Variants in LNX1 observed in about 807,000 individuals in gnomAD.
LNX1 encodes the protein E3 ubiquitin-protein ligase LNX.
Under a neutral mutation model 68.4 loss-of-function variants are expected in LNX1, and 54 were observed. That is an observed-to-expected ratio of 0.79 (90% CI 0.63 to 0.99). The LOEUF is 0.99. Ranked by LOEUF, LNX1 falls within the 50% of genes least tolerant of loss-of-function variation. LNX1 has a pLI of 0.00. For missense variants in LNX1, 906 were observed against 926.4 expected (o/e 0.98, Z 0.29); for synonymous variants, 336 against 350.0 (o/e 0.96, Z 0.45).
At chr4:53,621,897 A>G (rs192425032), upstream of LNX1, among the ~76,000 whole-genome samples, 52 of 152,236 alleles carry the variant, frequency 3.4e-4, no homozygotes, top group Admixed American at 6.5e-4. Context: ...TGCCTCATTA[A>G]TAAGTGAAGA....
At chr4:53,604,969 C>T (rs1289996474) in intron 2 of LNX1, among the ~76,000 whole-genome samples, 1 of 152,062 alleles carries the variant, frequency 6.6e-6, no homozygotes, top group African/African-American at 2.4e-5. Flanking sequence ...GCAAAGTCAC[C>T]AGGGAATTTC....
intron 2 of LNX1, among the ~76,000 whole-genome samples, chr4:53,611,076 T>C (rs952119975): frequency 3.3e-5 from 5 of 151,992 alleles, no homozygotes; most frequent in Admixed American, 3.3e-4. Context: ...TTTTTGCAAA[T>C]GATATGATTG....
rs780316057 is a variant in LNX1 at position 53,496,038 on chromosome 4, C to T, written c.1335G>A (p.Ala445=). 61 of 1,612,814 alleles carry T rather than the reference C, an allele frequency of 3.8e-5. No individual in the cohort carries two copies. Among genetic ancestry groups the T allele is most frequent in the South Asian group, 8.8e-5 (8 of 90,992 alleles). The change falls in exon 6 of 11, where the codon GCG becomes GCA. Residue 445 remains alanine, a synonymous_variant. Coordinates refer to ENST00000263925, the MANE Select transcript of LNX1 (RefSeq NM_001126328.3). Reference sequence around the variant, plus strand: ...TCTGACTCACCTGAATCAGATGAGCCGCACTTTCTGGGCTGCCATATCGAA... The same window carrying T: ...TCTGACTCACCTGAATCAGATGAGCTGCACTTTCTGGGCTGCCATATCGAA... ...HDLRYGSPES[A]AHLIQASERR...
At chr4:53,492,541 G>GAGAGAGAGAGAC (rs1287595399) in intron 6 of LNX1, among the ~76,000 whole-genome samples, 1 of 151,524 alleles carries the variant, frequency 6.6e-6, no homozygotes, top group East Asian at 1.9e-4. Context: ...GAGAGAGAGA[G>GAGAGAGAGAGAC]AGTGGCATCC....
intron 5 of LNX1, among the ~76,000 whole-genome samples, chr4:53,497,948 G>A (rs1725189951): frequency 6.6e-6 from 1 of 152,164 alleles, no homozygotes; most frequent in African/African-American, 2.4e-5. Context: ...ATACGAGCAG[G>A]GAGGGGTTTC....
At chr4:53,464,876 A>T (rs1380819257) in intron 9 of LNX1, among the ~76,000 whole-genome samples, 1 of 152,156 alleles carries the variant, frequency 6.6e-6, no homozygotes, top group Admixed American at 6.5e-5. Flanking sequence ...TATAGAGTCA[A>T]ATTTAAATTA....
At chr4:53,620,052 G>A (rs568082040), upstream of LNX1, among the ~76,000 whole-genome samples, 16 of 152,302 alleles carry the variant, frequency 1.1e-4, no homozygotes, top group South Asian at 2.1e-4. Context: ...TGTTTGTAAC[G>A]AAACACATTG....
Position 53,459,651 on chromosome 4 carries a change from A to AAGAC in LNX1, c.*1252_*1255dup. On this transcript the variant is annotated 3_prime_UTR_variant, in exon 11 of 11. Transcript: ENST00000263925. ...TGTCTTGTACTATTTCAAAAATAAA[A>AAGAC]AGACAGCAATGACTTTATATCCAAG... The AAGAC allele has an allele frequency of 1.5e-6, 1 of 679,242 alleles. No homozygotes were observed. The allele number at this position is 679,242 out of a possible 1,614,324, so 42.1% of individuals were successfully genotyped here.
chr4:53,635,571 T>G (rs1734440303), intron 1 of LNX1, among the ~76,000 whole-genome samples: 1 of 152,160 alleles, frequency 6.6e-6, no homozygotes, highest in African/African-American at 2.4e-5. Flanking sequence ...ACTAATCTGT[T>G]ATTAGCTCTG....
At position 53,550,105 on chromosome 4, in the gene LNX1, A is replaced by G. The variant is rs538820509; in HGVS notation, c.380+23518T>C. Among the ~76,000 whole-genome samples the G allele has an allele frequency of 6.6e-5, 10 of 152,358 alleles. No homozygotes were observed. The South Asian group carries it at 1.7e-3, about 25-fold the overall frequency. ...AATAAAATCATGAAACAGGATCACA[A>G]TGCTCTTTGGACATCAAAGAATCAT... is the stretch of plus-strand genomic sequence containing the variant. On this transcript the variant is annotated intron_variant, in intron 2 of 10. Transcript: ENST00000263925.
At position 53,573,880 on chromosome 4, in the gene LNX1, G is replaced by A. The variant is rs1185013821; in HGVS notation, c.123C>T (p.Cys41=). ...YPEEVDDDLI[C]HICLQALLDP... ...CCAGCAAAGCCTGCAGGCAGATGTG[G>A]CAGATGAGGTCATCATCCACTTCCT... is the stretch of plus-strand genomic sequence containing the variant. The change falls in exon 2 of 11, where the codon TGC becomes TGT. Residue 41 remains cysteine, a synonymous_variant. Coordinates refer to ENST00000263925, the MANE Select transcript of LNX1 (RefSeq NM_001126328.3). 1 of 1,613,816 alleles carries A rather than the reference G, an allele frequency of 6.2e-7. No individual in the cohort carries two copies.
chr4:53,569,756 C>A (rs1408903522), intron 2 of LNX1, among the ~76,000 whole-genome samples: 7 of 140,342 alleles, frequency 5.0e-5, no homozygotes, highest in African/African-American at 1.3e-4. Flanking sequence ...ATTTTTGCAA[C>A]CTACTCATCT....
intron 1 of LNX1, chr4:53,576,528 A>AT (rs1731498252): frequency 9.6e-7 from 1 of 1,044,568 alleles, no homozygotes; most frequent in East Asian, 3.1e-5. Context: ...TAGATCTTGT[A>AT]TTTTAGGTTG....
intron 1 of LNX1, among the ~76,000 whole-genome samples, chr4:53,589,156 T>G (rs1271519153): frequency 6.6e-6 from 1 of 152,152 alleles, no homozygotes; most frequent in African/African-American, 2.4e-5. Flanking sequence ...CAATGACAAC[T>G]GGACATTTCC....
rs532088803 is a variant in LNX1, at chr4:53,557,402, T to C, written c.380+16221A>G. ...GCATCAAAAATAAAAATAACATGGA[T>C]ATATACATTTTATACATAGGGTTCT... On this transcript the variant is annotated intron_variant, in intron 2 of 10. Coordinates refer to ENST00000263925, the MANE Select transcript of LNX1 (RefSeq NM_001126328.3). 1.4e-4 allele frequency among the ~76,000 whole-genome samples: 22 copies of C among 152,282 alleles called. No homozygotes were observed. In the South Asian group the frequency reaches 4.1e-3, roughly 29 times the overall value.
At chr4:53,549,913 C>A (rs1341227957) in intron 2 of LNX1, among the ~76,000 whole-genome samples, 1 of 152,166 alleles carries the variant, frequency 6.6e-6, no homozygotes, top group Non-Finnish European at 1.5e-5. Context: ...ACTAGAAAGA[C>A]AAGCACAATT....
At chr4:53,494,113 A>G (rs1724889248) in intron 6 of LNX1, among the ~76,000 whole-genome samples, 3 of 152,176 alleles carry the variant, frequency 2.0e-5, no homozygotes, top group African/African-American at 7.2e-5. Context: ...TGTAGCTCCC[A>G]TCATTCCCAT....
intron 9 of LNX1, among the ~76,000 whole-genome samples, chr4:53,472,695 AAAAAC>A (rs1385266995): frequency 1.4e-4 from 19 of 139,384 alleles, no homozygotes; most frequent in African/African-American, 3.7e-4. Flanking sequence ...CAAAAAAAAA[AAAAAC>A]AAAAAACAAT....
intron 4 of LNX1, 42 bp downstream of exon 4, chr4:53,507,275 G>T (rs781397480): frequency 3.1e-5 from 50 of 1,595,308 alleles, no homozygotes; most frequent in Non-Finnish European, 4.1e-5. Flanking sequence ...CCCCCTGGAA[G>T]CCCAGCCCAT....
Sources: allele counts gnomAD v4.1 joint callset (sites outside exome capture counted in the v4.1 genomes callset), GRCh38; gene constraint gnomAD v4.1.1; transcripts MANE v1.5; gene names NCBI Gene and HGNC (gene_info 2026-07-23, HGNC 2026-07-21).